The following FAM149A variants were observed in gnomAD, a reference collection of about 807,000 sequenced individuals.
The protein encoded by FAM149A is family with sequence similarity 149 member A.
Under a neutral mutation model 78.2 loss-of-function variants are expected in FAM149A, and 71 were observed. That is an observed-to-expected ratio of 0.91 (90% CI 0.75 to 1.11). The LOEUF (loss-of-function observed/expected upper bound fraction) is 1.11. Among genes scored for constraint, FAM149A ranks in the 50% least tolerant of loss-of-function variants. FAM149A has a pLI of 0.00. For missense variants in FAM149A, 1,036 were observed against 971.0 expected, an observed-to-expected ratio of 1.07 and a Z score of -0.89; for synonymous variants, 446 against 410.5, an observed-to-expected ratio of 1.09 and a Z score of -1.04.
intron 1 of FAM149A, among the ~76,000 whole-genome samples, chr4:186,135,423 G>T (rs551158833): frequency 6.6e-6 from 1 of 152,206 alleles, no homozygotes; most frequent in African/African-American, 2.4e-5. Flanking sequence ...TGGTAGTCAT[G>T]GTCTGTGAAG....
Position 186,126,666 on chromosome 4 carries a change from C to T in FAM149A, c.566+21024C>T, listed in dbSNP as rs1249129861. Among the ~76,000 whole-genome samples, 8 of 152,136 alleles carry T rather than the reference C, an allele frequency of 5.3e-5. No homozygotes were observed. The East Asian group carries it at 1.5e-3, about 29-fold the overall frequency. On this transcript the variant is annotated intron_variant, in intron 1 of 13. Transcript: ENST00000389354. ...GACCTTGGACTGGGGGAAGTCACGCCATCGTCACCCCATTGACCCCCCTGG... is the reference window on the plus strand; with the variant it reads ...GACCTTGGACTGGGGGAAGTCACGCTATCGTCACCCCATTGACCCCCCTGG...
At chr4:186,158,156 C>T (rs1259067725) in intron 8 of FAM149A, 26 of 1,282,824 alleles carry the variant, frequency 2.0e-5, no homozygotes, top group Non-Finnish European at 2.3e-5. Context: ...GCAGGCTGTG[C>T]TGAAGCTCAC....
chr4:186,160,762 A>T, intron 8 of FAM149A: 1 of 954,992 alleles, frequency 1.0e-6, no homozygotes, highest in Non-Finnish European at 1.2e-6. Flanking sequence ...CACCACACAC[A>T]CACCACATCA....
At chr4:186,124,603 T>G (rs2099317511) in intron 1 of FAM149A, among the ~76,000 whole-genome samples, 1 of 152,196 alleles carries the variant, frequency 6.6e-6, no homozygotes, top group Non-Finnish European at 1.5e-5. Flanking sequence ...TCATCCTTTT[T>G]TATGGCTGCA....
chr4:186,121,129 ATTATT>A (rs2099315905), intron 1 of FAM149A, among the ~76,000 whole-genome samples: 1 of 152,096 alleles, frequency 6.6e-6, no homozygotes, highest in South Asian at 2.1e-4. Context: ...TTTCTTGTAA[ATTATT>A]TTATGTATGA....
At chr4:186,155,010 T>C in intron 6 of FAM149A, 1 of 914,584 alleles carries the variant, frequency 1.1e-6, no homozygotes, top group East Asian at 1.2e-4. Context: ...TCGCCCAGGC[T>C]AGAGTGCAGC....
At chr4:186,159,488 C>T (rs2126507977) in intron 8 of FAM149A, among the ~76,000 whole-genome samples, 1 of 152,092 alleles carries the variant, frequency 6.6e-6, no homozygotes, top group East Asian at 1.9e-4. Flanking sequence ...AAGAAACTGG[C>T]AACTGCAGCA....
chr4:186,127,637 C>A lies in FAM149A; in HGVS notation c.567-21536C>A, dbSNP rs1044388925. The A allele has an allele frequency of 3.5e-5, 34 of 985,292 alleles. No individual in the cohort carries two copies. The Middle Eastern group carries it at 1.5e-3, about 45-fold the overall frequency. 61.0% of individuals were successfully genotyped at this position (985,292 alleles called of 1,614,324 possible). On this transcript the variant is annotated intron_variant, in intron 1 of 13. Transcript: ENST00000389354. ...TTATATTCCTTACTCTTCAGACAAG[C>A]AAGAATAAGGGAATGTGTGTGAAAG...
At chr4:186,167,484 A>G in intron 13 of FAM149A, 1 of 617,394 alleles carries the variant, frequency 1.6e-6, no homozygotes, top group Non-Finnish European at 3.0e-6. Flanking sequence ...AATGTCCAAA[A>G]GCTCTCAATG....
intron 1 of FAM149A, among the ~76,000 whole-genome samples, chr4:186,108,423 AAAC>A (rs1473706531): frequency 4.1e-5 from 6 of 147,860 alleles, no homozygotes; most frequent in Admixed American, 6.8e-5. Flanking sequence ...TAAAAAAAAA[AAAC>A]AAAAAACTAA....
chr4:186,145,020 C>T, intron 1 of FAM149A: 2 of 981,750 alleles, frequency 2.0e-6, no homozygotes, highest in Non-Finnish European at 2.4e-6. Context: ...TGCGTGGGGC[C>T]CGCGCGCGGT....
Position 186,157,736 on chromosome 4 carries a change from C to G in FAM149A, c.1575+17C>G. On this transcript the variant is annotated intron_variant, in intron 8 of 13. Transcript: ENST00000389354. ...CCGCCCCAGGTCGGTGCTTTCACAC[C>G]CTTCTCCCTCTTGCCTTCACTCTGT... 2.5e-6 allele frequency: 4 copies of G among 1,594,398 alleles called. No homozygotes were observed. Among genetic ancestry groups the G allele is most frequent in the Non-Finnish European group, 3.4e-6 (4 of 1,169,342 alleles).
At chr4:186,145,235 C>T (rs1268170877) in intron 1 of FAM149A, 1 of 785,202 alleles carries the variant, frequency 1.3e-6, no homozygotes, top group African/African-American at 1.9e-5. Context: ...CGGGAAGCGT[C>T]AGGCCGGCCC....
At chr4:186,152,089 G>A in intron 4 of FAM149A, 44 bp downstream of exon 4, 2 of 1,601,306 alleles carry the variant, frequency 1.2e-6, no homozygotes, top group Non-Finnish European at 8.5e-7. Context: ...GGTTTTCCAA[G>A]CACCCACCCC....
chr4:186,136,992 C>G (rs188399008), intron 1 of FAM149A, among the ~76,000 whole-genome samples: 1 of 126,792 alleles, frequency 7.9e-6, no homozygotes, highest in African/African-American at 2.8e-5. Context: ...CTCTCTCTCT[C>G]TCTCTCTCTC....
rs997654814 is a variant in FAM149A at position 186,160,691 on chromosome 4, TACCACACACACTACCACAC to T, written c.1576-2142_1576-2124del. On this transcript the variant is annotated intron_variant, in intron 8 of 13. Coordinates refer to ENST00000389354, the MANE Select transcript of FAM149A (RefSeq NM_001367768.3). ...ACACATACACACACACCTTCACACA[TACCACACACACTACCACAC>T]ACCACACACACACCTCACCACACCC... The T allele has an allele frequency of 1.8e-4, 101 of 547,894 alleles. 1 individual carries two copies. In the Middle Eastern group the frequency reaches 7.1e-3, roughly 38 times the overall value. The allele number at this position is 547,894 out of a possible 1,614,324, so 33.9% of individuals were successfully genotyped here.
At position 186,138,147 on chromosome 4, in the gene FAM149A, G is replaced by A. The variant is rs145425836; in HGVS notation, c.567-11026G>A. Among the ~76,000 whole-genome samples, 548 of 152,182 alleles carry A rather than the reference G, an allele frequency of 3.6e-3. 2 individuals are homozygous for A. The highest frequency in any genetic ancestry group is 0.013 in the African/African-American group (522 of 41,524). ...ACAACTAATGAACCAGTATCAATCC[G>A]TTACCATTAACTAAACTCCACATTT... On this transcript the variant is annotated intron_variant, in intron 1 of 13. Coordinates refer to ENST00000389354, the MANE Select transcript of FAM149A (RefSeq NM_001367768.3).
chr4:186,119,479 C>T (rs2099315098), intron 1 of FAM149A, among the ~76,000 whole-genome samples: 1 of 152,078 alleles, frequency 6.6e-6, no homozygotes, highest in South Asian at 2.1e-4. Context: ...AGAAAAACAG[C>T]CAAGCTAAGA....
At chr4:186,158,806 CAGG>C (rs1390169003) in intron 8 of FAM149A, 32 of 1,013,008 alleles carry the variant, frequency 3.2e-5, no homozygotes, top group Non-Finnish European at 3.7e-5. Context: ...TCCCAATGCT[CAGG>C]CCCCTGAATG....
Sources: allele counts gnomAD v4.1 joint callset (sites outside exome capture counted in the v4.1 genomes callset), GRCh38; gene constraint gnomAD v4.1.1; transcripts MANE v1.5; gene names NCBI Gene and HGNC (gene_info 2026-07-23, HGNC 2026-07-21).